MAN1B1: variants seen among roughly 807,000 people sequenced by gnomAD.
MAN1B1 encodes endoplasmic reticulum mannosyl-oligosaccharide 1,2-alpha-mannosidase.
MAN1B1 carries 66 observed loss-of-function variants against 75.5 expected under a neutral mutation model. That is an observed-to-expected ratio of 0.87 (90% confidence interval 0.72 to 1.07). The LOEUF is 1.07. MAN1B1 is among the 50% of genes least tolerant of loss of function. The pLI is 0.00. For synonymous variants in MAN1B1, 453 were observed against 382.8 expected, an observed-to-expected ratio of 1.18 and a Z score of -2.14; for missense variants, 973 against 912.5, an observed-to-expected ratio of 1.07 and a Z score of -0.85.
Position 137,088,063 on chromosome 9 carries a change from T to C in MAN1B1, c.220-12T>C. Reference sequence around the variant, plus strand: ...ATTCAGTAAGAAATGTCATTCTCTGTACCTCCCTTAGAAATGGAAGCAACT... The same window carrying C: ...ATTCAGTAAGAAATGTCATTCTCTGCACCTCCCTTAGAAATGGAAGCAACT... On this transcript the variant is annotated splice_polypyrimidine_tract_variant and intron_variant, in intron 1 of 12. Transcript: ENST00000371589. 2 of 1,597,984 alleles carry C rather than the reference T, an allele frequency of 1.3e-6. No homozygotes were observed. Among genetic ancestry groups the C allele is most frequent in the Non-Finnish European group, 1.7e-6 (2 of 1,165,198 alleles).
At position 137,108,666 on chromosome 9, in the gene MAN1B1, C is replaced by T; in HGVS notation, c.*75C>T. On this transcript the variant is annotated 3_prime_UTR_variant, in exon 13 of 13. Transcript: ENST00000371589. ...TGGGTCTGTGGCATTTTCCAAGGGCCCACGTAGCACCGGCAACCGCCAAGT... is the reference window on the plus strand; with the variant it reads ...TGGGTCTGTGGCATTTTCCAAGGGCTCACGTAGCACCGGCAACCGCCAAGT... The T allele has an allele frequency of 7.1e-7, 1 of 1,403,688 alleles. No individual in the cohort carries two copies. Among genetic ancestry groups the T allele is most frequent in the Non-Finnish European group, 1.0e-6 (1 of 991,458 alleles). 87.0% of individuals were successfully genotyped at this position (1,403,688 alleles called of 1,614,324 possible).
intron 5 of MAN1B1, 97 bp downstream of exon 5, chr9:137,098,034 C>T (rs1830704359): frequency 2.3e-6 from 2 of 881,796 alleles, no homozygotes; most frequent in African/African-American, 3.3e-5. Flanking sequence ...GGCGCCCCCG[C>T]CCTGGTGTGC....
Position 137,108,952 on chromosome 9 carries a change from T to C in MAN1B1, c.*361T>C, listed in dbSNP as rs1218160803. The C allele has an allele frequency of 8.3e-6, 4 of 479,114 alleles. No homozygotes were observed. Among genetic ancestry groups the C allele is most frequent in the East Asian group, 6.3e-5 (1 of 15,980 alleles). 29.7% of individuals were successfully genotyped at this position (479,114 alleles called of 1,614,324 possible). ...GAGTGGACAGCCCAGGGTGCAGCTC[T>C]GCCCGGGCTCGTGAAGCCTCAGATG... On this transcript the variant is annotated 3_prime_UTR_variant, in exon 13 of 13. Transcript: ENST00000371589.
At chr9:137,100,448 C>T (rs779199205) in intron 6 of MAN1B1, among the ~76,000 whole-genome samples, 16 of 152,144 alleles carry the variant, frequency 1.1e-4, no homozygotes, top group Admixed American at 6.5e-5. Context: ...CAAGATTTAC[C>T]CCCTTGAGAT....
At position 137,109,088 on chromosome 9, in the gene MAN1B1, G is replaced by C. The variant is rs1270072061; in HGVS notation, c.*497G>C. ...CAGGGATCCTCCTGGCCGCCCCGCA[G>C]GGGGCTTGGAGGGCTGGACGGCAAG... On this transcript the variant is annotated 3_prime_UTR_variant, in exon 13 of 13. Coordinates refer to ENST00000371589, the MANE Select transcript of MAN1B1 (RefSeq NM_016219.5). The C allele has an allele frequency of 2.2e-6, 1 of 455,804 alleles. No individual in the cohort carries two copies. Among genetic ancestry groups the C allele is most frequent in the Admixed American group, 2.3e-5 (1 of 42,588 alleles). 28.2% of individuals were successfully genotyped at this position (455,804 alleles called of 1,614,324 possible).
intron 5 of MAN1B1, among the ~76,000 whole-genome samples, chr9:137,099,020 G>T (rs1479538988): frequency 6.6e-6 from 1 of 152,142 alleles, no homozygotes; most frequent in Non-Finnish European, 1.5e-5. Flanking sequence ...AGTAGAGACG[G>T]GGTTTCGCGA....
At chr9:137,103,256 G>T in intron 8 of MAN1B1, 3 of 422,190 alleles carry the variant, frequency 7.1e-6, no homozygotes, top group Non-Finnish European at 1.4e-5. Context: ...GTGCAGGTCG[G>T]TGTTACACAC....
chr9:137,108,096 TCCCA>T (rs1338600336), intron 12 of MAN1B1: 7 of 605,988 alleles, frequency 1.2e-5, no homozygotes, highest in Admixed American at 8.8e-5. Flanking sequence ...CTGCCTCCGC[TCCCA>T]CCGTCTGCCC....
At position 137,108,415 on chromosome 9, in the gene MAN1B1, A is replaced by G; in HGVS notation, c.1924A>G (p.Asn642Asp). The G allele has an allele frequency of 6.2e-7, 1 of 1,613,812 alleles. No individual in the cohort carries two copies. The highest frequency in any genetic ancestry group is 8.5e-7 in the Non-Finnish European group (1 of 1,179,992). Residue 642 changes from asparagine to aspartate, a missense_variant, in exon 13 of 13, where the codon AAC becomes GAC. Physicochemically the swap from Asn to Asp is conservative, Grantham distance 23 (BLOSUM62 1). Transcript: ENST00000371589. ...RVPSGGYSSI[N>D]NVQDPQKPEP... ...CCCCTCGGGTGGCTATTCTTCCATC[A>G]ACAATGTCCAGGATCCTCAGAAGCC...
At chr9:137,097,730 C>T in intron 4 of MAN1B1, 98 bp from the exon 5 acceptor site, 1 of 930,272 alleles carries the variant, frequency 1.1e-6, no homozygotes. Flanking sequence ...GCTTTGGGTG[C>T]AGGGCTGTGC....
intron 7 of MAN1B1, 113 bp from the exon 8 acceptor site, chr9:137,101,371 C>T: frequency 8.5e-7 from 1 of 1,170,740 alleles, no homozygotes; most frequent in Non-Finnish European, 1.3e-6. Context: ...CGTTTCCTTG[C>T]TGCTGTGTTG....
At chr9:137,098,842 C>T (rs1448441660) in intron 5 of MAN1B1, among the ~76,000 whole-genome samples, 1 of 145,720 alleles carries the variant, frequency 6.9e-6, no homozygotes, top group Non-Finnish European at 1.5e-5. Context: ...CCCATCTCTA[C>T]AAAAAAAAAA....
intron 6 of MAN1B1, among the ~76,000 whole-genome samples, chr9:137,100,515 T>C (rs886996383): frequency 2.2e-4 from 34 of 152,102 alleles, no homozygotes; most frequent in Admixed American, 6.6e-5. Flanking sequence ...ATGGGTTTGG[T>C]TTTTTGTTTT....
intron 3 of MAN1B1, 116 bp downstream of exon 3, chr9:137,089,121 C>A: frequency 7.5e-7 from 1 of 1,325,122 alleles, no homozygotes; most frequent in Non-Finnish European, 1.1e-6. Flanking sequence ...GTGTTTACCT[C>A]TCTCTCGTTT....
At chr9:137,094,937 C>T (rs182564685) in intron 3 of MAN1B1, among the ~76,000 whole-genome samples, 281 of 152,088 alleles carry the variant, frequency 1.8e-3, no homozygotes, top group African/African-American at 6.5e-3. Flanking sequence ...CCTGTAATCC[C>T]AGCACTTTGG....
intron 1 of MAN1B1, 32 bp downstream of exon 1, chr9:137,087,250 G>A: frequency 6.5e-7 from 1 of 1,549,372 alleles, no homozygotes. Context: ...CTGGGGCCCG[G>A]GGCTGCCGTG....
Position 137,101,532 on chromosome 9 carries a change from A to G in MAN1B1, c.1114A>G (p.Ile372Val). The G allele has an allele frequency of 6.2e-7, 1 of 1,613,882 alleles. No homozygotes were observed. Among genetic ancestry groups the G allele is most frequent in the Non-Finnish European group, 8.5e-7 (1 of 1,180,024 alleles). ...LMPAFRTPSK[I>V]PYSDVNIGTG... ...GCCTGCCTTCAGAACACCATCCAAG[A>G]TTCCTTACTCGGATGTGAACATCGG... is the stretch of plus-strand genomic sequence containing the variant. Residue 372 changes from isoleucine (I) to valine (V), a missense_variant, in exon 8 of 13, where the codon ATT becomes GTT. By Grantham distance (29) the Ile-to-Val change is conservative. Coordinates refer to ENST00000371589, the MANE Select transcript of MAN1B1 (RefSeq NM_016219.5).
At chr9:137,090,705 A>G (rs952717911) in intron 3 of MAN1B1, among the ~76,000 whole-genome samples, 11 of 151,768 alleles carry the variant, frequency 7.2e-5, no homozygotes, top group Admixed American at 1.3e-4. Flanking sequence ...ACGCACAGCT[A>G]ACGTTTGTAT....
Position 137,105,310 on chromosome 9 carries a change from A to G in MAN1B1, c.1255-815A>G, listed in dbSNP as rs1011232892. 4 of 155,658 alleles carry G rather than the reference A, an allele frequency of 2.6e-5. No homozygotes were observed. In the Admixed American group the frequency reaches 2.6e-4, roughly 10 times the overall value. The allele number at this position is 155,658 out of a possible 1,614,324, so 9.6% of individuals were successfully genotyped here. A position where few individuals can be genotyped will look rare whatever the true frequency, so the allele number is the denominator to read the frequency against. On this transcript the variant is annotated intron_variant, in intron 8 of 12. Coordinates refer to ENST00000371589, the MANE Select transcript of MAN1B1 (RefSeq NM_016219.5). ...AGCCCTCTTTAGAGCAACTGTGACC[A>G]CTTGTGGTGAGAAGTGCAGCCCACA...
Sources: gnomAD v4.1 joint callset for allele counts (sites outside exome capture counted in the v4.1 genomes callset) on GRCh38, gnomAD v4.1.1 for gene constraint, MANE v1.5 for transcripts, NCBI Gene and HGNC (gene_info 2026-07-23, HGNC 2026-07-21) for gene names.